The following DYSF variants were observed in gnomAD, a reference collection of about 807,000 sequenced individuals.
The protein encoded by DYSF is dystrophy-associated fer-1-like 1.
A neutral mutation model predicts 274.9 loss-of-function variants in DYSF; 212 were observed. That is an observed-to-expected ratio of 0.77 (90% CI 0.69 to 0.86). DYSF has a LOEUF of 0.86. Among genes scored for constraint, DYSF ranks in the 40% least tolerant of loss-of-function variants. The pLI, the probability that DYSF is intolerant of heterozygous loss-of-function variation, is 0.00. For missense variants in DYSF, 2,666 were observed against 2,783.2 expected, an observed-to-expected ratio of 0.96 and a Z score of 0.95; for synonymous variants, 1,091 against 1,078.7, an observed-to-expected ratio of 1.01 and a Z score of -0.22.
chr2:71,652,746 G>A (rs913289323), intron 42 of DYSF, among the ~76,000 whole-genome samples: 8 of 152,148 alleles, frequency 5.3e-5, no homozygotes, highest in African/African-American at 1.9e-4. Flanking sequence ...AACGAAACAG[G>A]TTATGAAGCC....
intron 41 of DYSF, among the ~76,000 whole-genome samples, chr2:71,643,514 T>A (rs1045715775): frequency 1.3e-5 from 2 of 152,122 alleles, no homozygotes; most frequent in Non-Finnish European, 2.9e-5. Context: ...ATAAAACTCT[T>A]TTGGGTCTGA....
intron 40 of DYSF, among the ~76,000 whole-genome samples, chr2:71,618,285 GGT>G (rs1277986987): frequency 4.4e-4 from 13 of 29,656 alleles, no homozygotes; most frequent in African/African-American, 1.0e-3. Context: ...GTGTGGTAGA[GGT>G]GTGTGTGTGG....
chr2:71,560,473 G>A (rs527356890), intron 22 of DYSF, among the ~76,000 whole-genome samples: 1 of 144,370 alleles, frequency 6.9e-6, no homozygotes, highest in East Asian at 2.0e-4. Context: ...GCGGCCTGGG[G>A]CAGCCCATCC....
At chr2:71,554,020 G>T (rs1422006464) in intron 21 of DYSF, 89 bp downstream of exon 21, 3 of 1,587,352 alleles carry the variant, frequency 1.9e-6, no homozygotes, top group South Asian at 1.1e-5. Flanking sequence ...CCACCCACTG[G>T]TGCACACACT....
At chr2:71,477,624 C>A (rs946648471) in intron 1 of DYSF, among the ~76,000 whole-genome samples, 1 of 152,226 alleles carries the variant, frequency 6.6e-6, no homozygotes, top group African/African-American at 2.4e-5. Context: ...ATCTACGTAA[C>A]TGACTGAACA....
At position 71,526,270 on chromosome 2, in the gene DYSF, G is replaced by T; in HGVS notation, c.1200G>T (p.Leu400=). 6.2e-7 allele frequency: 1 copy of T among 1,614,252 alleles called. No individual in the cohort carries two copies. The highest frequency in any genetic ancestry group is 8.5e-7 in the Non-Finnish European group (1 of 1,180,046). ...SEDKEDIESN[L]LRPTGVALRG... ...ACAAGGAGGACATTGAAAGCAACCTGCTCCGGCCCACAGGCGTAGCCCTGC... is the reference window on the plus strand; with the variant it reads ...ACAAGGAGGACATTGAAAGCAACCTTCTCCGGCCCACAGGCGTAGCCCTGC... Residue 400 remains leucine (L), a synonymous_variant, in exon 13 of 56, where the codon CTG becomes CTT. Coordinates refer to ENST00000410020, the MANE Select transcript of DYSF (RefSeq NM_001130987.2).
intron 48 of DYSF, 133 bp from the exon 49 acceptor site, chr2:71,668,621 A>T: frequency 1.2e-6 from 1 of 811,700 alleles, no homozygotes; most frequent in Non-Finnish European, 2.0e-6. Flanking sequence ...TCCCCTGTTT[A>T]GGGCAGTGAG....
At chr2:71,597,305 C>T (rs938500361) in intron 32 of DYSF, among the ~76,000 whole-genome samples, 3 of 152,112 alleles carry the variant, frequency 2.0e-5, no homozygotes, top group Non-Finnish European at 4.4e-5. Flanking sequence ...AGTAGGGTGC[C>T]AAGGGTATTG....
chr2:71,526,491 CAG>C, intron 13 of DYSF, 145 bp downstream of exon 13: 1 of 1,226,398 alleles, frequency 8.2e-7, no homozygotes, highest in East Asian at 2.5e-5. Flanking sequence ...GAAAAGTAAT[CAG>C]TGCTGGTGGA....
At chr2:71,518,167 T>C (rs2086855584) in intron 10 of DYSF, among the ~76,000 whole-genome samples, 1 of 152,034 alleles carries the variant, frequency 6.6e-6, no homozygotes. Flanking sequence ...TGAATAGTCC[T>C]CTTCTGAGAA....
At chr2:71,520,350 A>T (rs1027879334) in intron 11 of DYSF, 142 bp downstream of exon 11, 2 of 970,958 alleles carry the variant, frequency 2.1e-6, no homozygotes, top group Middle Eastern at 2.4e-4. Context: ...AAAGCAGGTC[A>T]TTCATCCTCC....
intron 13 of DYSF, 65 bp downstream of exon 13, chr2:71,526,411 T>TGGGGGGGGGGGG: frequency 5.2e-5 from 16 of 306,876 alleles, no homozygotes; most frequent in East Asian, 1.1e-4. Context: ...CTGGTGGGGG[T>TGGGGGGGGGGGG]GGGCGATGGC....
chr2:71,580,586 A>C (rs529319341), intron 30 of DYSF, among the ~76,000 whole-genome samples: 2 of 152,194 alleles, frequency 1.3e-5, no homozygotes, highest in East Asian at 3.9e-4. Context: ...GGTTTACCTC[A>C]TTAGGAAACA....
intron 24 of DYSF, among the ~76,000 whole-genome samples, chr2:71,566,543 G>A (rs1364995049): frequency 6.6e-6 from 1 of 151,934 alleles, no homozygotes; most frequent in Non-Finnish European, 1.5e-5. Context: ...CAGAGAGAGA[G>A]AGGAGCCCCA....
At chr2:71,593,121 ACTT>A (rs1408301337) in intron 32 of DYSF, among the ~76,000 whole-genome samples, 13 of 130,818 alleles carry the variant, frequency 9.9e-5, no homozygotes, top group Non-Finnish European at 1.9e-4. Flanking sequence ...TAATTCAGTG[ACTT>A]CTTTTTTTTT....
intron 41 of DYSF, among the ~76,000 whole-genome samples, chr2:71,634,146 A>G (rs780992268): frequency 6.6e-6 from 1 of 152,178 alleles, no homozygotes; most frequent in Admixed American, 6.5e-5. Flanking sequence ...TGACTGCACA[A>G]TGAGGGGCCT....
At chr2:71,514,256 C>G (rs2086423494) in intron 7 of DYSF, among the ~76,000 whole-genome samples, 1 of 151,980 alleles carries the variant, frequency 6.6e-6, no homozygotes, top group Non-Finnish European at 1.5e-5. Flanking sequence ...CCAGCAAGCT[C>G]CTGGCTATTC....
upstream of DYSF, among the ~76,000 whole-genome samples, chr2:71,463,067 G>A (rs557466961): frequency 6.6e-6 from 1 of 152,340 alleles, no homozygotes; most frequent in East Asian, 1.9e-4. Context: ...CCAGGAGCCT[G>A]TCTGCCTCCT....
chr2:71,587,795 GGA>G (rs910367387), intron 30 of DYSF, among the ~76,000 whole-genome samples: 1 of 152,204 alleles, frequency 6.6e-6, no homozygotes, highest in Non-Finnish European at 1.5e-5. Context: ...CAAAGGAAGA[GGA>G]GAGTCCAGGC....
Sources: allele counts gnomAD v4.1 joint callset (sites outside exome capture counted in the v4.1 genomes callset), GRCh38; gene constraint gnomAD v4.1.1; transcripts MANE v1.5; gene names NCBI Gene and HGNC (gene_info 2026-07-23, HGNC 2026-07-21).